TMC3: variants seen among roughly 807,000 people sequenced by gnomAD.
The protein encoded by TMC3 is transmembrane channel like 3.
Under a neutral mutation model 110.6 loss-of-function variants are expected in TMC3, and 98 were observed. That is an observed-to-expected ratio of 0.89 (90% CI 0.75 to 1.05). The LOEUF (loss-of-function observed/expected upper bound fraction) is 1.05. Among genes scored for constraint, TMC3 ranks in the 50% least tolerant of loss-of-function variants. The pLI is 0.00. For missense variants in TMC3, 1,319 were observed against 1,373.2 expected (o/e 0.96, Z 0.62); for synonymous variants, 489 against 513.1 (o/e 0.95, Z 0.63).
chr15:81,372,659 G>C lies in TMC3; in HGVS notation c.168C>G (p.Phe56Leu). 1 of 1,613,938 alleles carries C rather than the reference G, an allele frequency of 6.2e-7. No homozygotes were observed. Among genetic ancestry groups the C allele is most frequent in the Non-Finnish European group, 8.5e-7 (1 of 1,179,892 alleles). The stretch of plus-strand genomic sequence containing the variant: ...GAATGTTTGCCATGAGATCTTTCTG[G>C]AACTGTATATTCTGGAAGATTTGTT... ...DPEQIFQNIQ[F>L]QKDLMANIRC... Residue 56 changes from phenylalanine (F) to leucine (L), a missense_variant, in exon 2 of 22, where the codon TTC (phenylalanine) becomes TTG (leucine). Physicochemically the swap from Phe to Leu is conservative, Grantham distance 22. Coordinates refer to ENST00000359440, the MANE Select transcript of TMC3 (RefSeq NM_001080532.3).
At chr15:81,350,717 T>C (rs8023934) in intron 10 of TMC3, among the ~76,000 whole-genome samples, 23,938 of 152,204 alleles carry the variant, frequency 0.16, 3,601 homozygotes, top group African/African-American at 0.4. Flanking sequence ...GGAAATAATT[T>C]TCATAGAAAT....
Position 81,372,629 on chromosome 15 carries a change from G to T in TMC3, c.198C>A (p.Cys66Ter), listed in dbSNP as rs550530569. ...GCTTCTGTCCCATAGTCCAGGGTCTGCAGCGAATGTTTGCCATGAGATCTT... is the reference window on the plus strand; with the variant it reads ...GCTTCTGTCCCATAGTCCAGGGTCTTCAGCGAATGTTTGCCATGAGATCTT... ...FQKDLMANIR[C>*]RPWTMGQKLR... The change falls in exon 2 of 22, where the codon TGC becomes TGA. Residue 66 changes from cysteine to a stop codon, truncating the protein, a stop_gained. Transcript: ENST00000359440. LOFTEE classifies it high-confidence loss of function. 1.9e-6 allele frequency: 3 copies of T among 1,613,834 alleles called. No individual in the cohort carries two copies. The highest frequency in any genetic ancestry group is 2.2e-5 in the East Asian group (1 of 44,884).
chr15:81,332,575 G>T lies in TMC3; in HGVS notation c.3147C>A (p.Ser1049Arg), dbSNP rs757457968. 3 of 1,614,020 alleles carry T rather than the reference G, an allele frequency of 1.9e-6. No individual in the cohort carries two copies. Among genetic ancestry groups the T allele is most frequent in the Non-Finnish European group, 1.7e-6 (2 of 1,179,898 alleles). ...TESDSVSAASSSDQQNSSADQ... is the reference protein window; with the variant it reads ...TESDSVSAASRSDQQNSSADQ... ...CAGCGCTGCTGTTCTGCTGGTCACT[G>T]CTGGATGCTGCCGACACGGAGTCAG... Residue 1049 changes from serine to arginine, a missense_variant, in exon 22 of 22, where the codon AGC (serine) becomes AGA (arginine). Coordinates refer to ENST00000359440, the MANE Select transcript of TMC3 (RefSeq NM_001080532.3).
intron 12 of TMC3, among the ~76,000 whole-genome samples, chr15:81,345,649 C>T (rs893730758): frequency 2.6e-5 from 4 of 152,032 alleles, no homozygotes; most frequent in Non-Finnish European, 5.9e-5. Flanking sequence ...GCAGGGGAAT[C>T]GCTTGAGCCC....
At position 81,332,266 on chromosome 15, in the gene TMC3, G is replaced by C; in HGVS notation, c.*153C>G. ...CTGTAGAATAGGTATCTGTAGCCCTGTCAGCCTCAGGGCCTCAGCTAGCAG... is the reference window on the plus strand; with the variant it reads ...CTGTAGAATAGGTATCTGTAGCCCTCTCAGCCTCAGGGCCTCAGCTAGCAG... On this transcript the variant is annotated 3_prime_UTR_variant, in exon 22 of 22. Transcript: ENST00000359440. 4.3e-6 allele frequency: 5 copies of C among 1,165,998 alleles called. No individual in the cohort carries two copies. The highest frequency in any genetic ancestry group is 5.8e-6 in the Non-Finnish European group (5 of 855,444). The allele number at this position is 1,165,998 out of a possible 1,614,324, so 72.2% of individuals were successfully genotyped here.
chr15:81,370,616 T>C (rs1232409506), intron 2 of TMC3, among the ~76,000 whole-genome samples: 1 of 152,180 alleles, frequency 6.6e-6, no homozygotes, highest in Non-Finnish European at 1.5e-5. Flanking sequence ...CCAACTGTTA[T>C]TCAGATAACA....
Position 81,339,423 on chromosome 15 carries a change from G to A in TMC3, c.1926C>T (p.Tyr642=), listed in dbSNP as rs370940224. 15 of 1,611,196 alleles carry A rather than the reference G, an allele frequency of 9.3e-6. No homozygotes were observed. Among genetic ancestry groups the A allele is most frequent in the African/African-American group, 1.3e-5 (1 of 74,916 alleles). Residue 642 remains tyrosine, a synonymous_variant, in exon 17 of 22, where the codon TAC becomes TAT. Transcript: ENST00000359440. The stretch of plus-strand genomic sequence containing the variant: ...ATGGCCCACAGTTTAGAGATGGCTT[G>A]TATCGGACAATAGCAAAAATGGTTG... The part of the protein sequence containing the change: ...MLPTIFAIVR[Y]KPSLNCGPFS...
At chr15:81,365,834 A>G (rs1293176625) in intron 3 of TMC3, among the ~76,000 whole-genome samples, 2 of 152,198 alleles carry the variant, frequency 1.3e-5, no homozygotes, top group Non-Finnish European at 1.5e-5. Flanking sequence ...CACGCAGAAG[A>G]TATTTAACAA....
At chr15:81,354,999 G>A (rs1894028864) in intron 9 of TMC3, among the ~76,000 whole-genome samples, 2 of 152,056 alleles carry the variant, frequency 1.3e-5, no homozygotes, top group Admixed American at 1.3e-4. Flanking sequence ...CGACATTAAT[G>A]ACAGAGAGGA....
rs200537441 is a variant in TMC3, at chr15:81,358,253, G to A, written c.639C>T (p.Tyr213=). The A allele has an allele frequency of 2.8e-4, 448 of 1,612,800 alleles. 2 individuals carry two copies. The African/African-American group carries it at 4.1e-3, about 15-fold the overall frequency. Residue 213 remains tyrosine (Y), a synonymous_variant, in exon 7 of 22, where the codon TAC becomes TAT. Coordinates refer to ENST00000359440, the MANE Select transcript of TMC3 (RefSeq NM_001080532.3). ...CTCTCCCGATCTTCCTCTCCCTGCC[G>A]TAATATCCGTAGAAGAGGACAGAGT... The part of the protein sequence containing the change: ...LQYSVLFYGY[Y]GRERKIGRAG...
At chr15:81,337,017 C>T (rs1345374726) in intron 19 of TMC3, among the ~76,000 whole-genome samples, 1 of 151,622 alleles carries the variant, frequency 6.6e-6, no homozygotes, top group Non-Finnish European at 1.5e-5. Flanking sequence ...AAATGAATTT[C>T]CAATTAGAAG....
chr15:81,365,753 T>G (rs1894301850), intron 3 of TMC3, among the ~76,000 whole-genome samples: 1 of 151,740 alleles, frequency 6.6e-6, no homozygotes, highest in Admixed American at 6.6e-5. Flanking sequence ...AAATAGATCC[T>G]AATTGTGGGT....
rs1893518231 is a variant in TMC3 at position 81,333,345 on chromosome 15, C to T, written c.2460-83G>A. 2.6e-6 allele frequency: 4 copies of T among 1,517,814 alleles called. No individual in the cohort carries two copies. The East Asian group carries it at 6.8e-5, about 26-fold the overall frequency. The allele number at this position is 1,517,814 out of a possible 1,614,324, so 94.0% of individuals were successfully genotyped here. Reference sequence around the variant, plus strand: ...TGAGGACTGTGAGCTGTGAGCAGTTCTCTGAGCATTTTCACTGAGGCTGGT... The same window carrying T: ...TGAGGACTGTGAGCTGTGAGCAGTTTTCTGAGCATTTTCACTGAGGCTGGT... On this transcript the variant is annotated intron_variant, in intron 21 of 21. Coordinates refer to ENST00000359440, the MANE Select transcript of TMC3 (RefSeq NM_001080532.3).
chr15:81,349,599 T>C (rs759608598), intron 10 of TMC3, 32 bp from the exon 11 acceptor site: 1 of 1,327,634 alleles, frequency 7.5e-7, no homozygotes, highest in Non-Finnish European at 9.9e-7. Context: ...GAGCCAGACA[T>C]TCCCAGGACC....
intron 3 of TMC3, among the ~76,000 whole-genome samples, chr15:81,367,035 A>G (rs6495568): frequency 0.028 from 4,289 of 152,266 alleles, 199 homozygotes; most frequent in African/African-American, 0.093. Context: ...AATATTTATC[A>G]AAAGCCAAAC....
At chr15:81,358,334 A>T (rs1335788491) in intron 6 of TMC3, 43 bp from the exon 7 acceptor site, 9 of 1,598,132 alleles carry the variant, frequency 5.6e-6, no homozygotes, top group Non-Finnish European at 5.1e-6. Context: ...TCCCGTTCCC[A>T]GGTCTCAGAA....
intron 9 of TMC3, among the ~76,000 whole-genome samples, chr15:81,354,866 GTTA>G (rs751964146): frequency 8.5e-5 from 12 of 140,768 alleles, no homozygotes; most frequent in East Asian, 6.1e-4. Context: ...ACAGTATGTT[GTTA>G]TTATTATTAT....
intron 3 of TMC3, among the ~76,000 whole-genome samples, chr15:81,364,682 T>TA (rs35537034): frequency 0.29 from 27,577 of 95,018 alleles, 3,302 homozygotes; most frequent in South Asian, 0.53. Flanking sequence ...TAAAGTATAA[T>TA]AAAAAAAAAC....
At chr15:81,353,434 GACTC>G (rs750780033) in intron 9 of TMC3, among the ~76,000 whole-genome samples, 3 of 152,180 alleles carry the variant, frequency 2.0e-5, no homozygotes, top group Non-Finnish European at 2.9e-5. Context: ...CTCATTCATT[GACTC>G]ACTCAGAGCA....
Sources: gnomAD v4.1 joint callset for allele counts (sites outside exome capture counted in the v4.1 genomes callset) on GRCh38, gnomAD v4.1.1 for gene constraint, MANE v1.5 for transcripts, NCBI Gene and HGNC (gene_info 2026-07-23, HGNC 2026-07-21) for gene names.